The following MAPKAPK3 variants were observed in gnomAD, a reference collection of about 807,000 sequenced individuals.
MAPKAPK3 encodes MAP kinase-activated protein kinase 3.
MAPKAPK3 carries 35 observed loss-of-function variants against 49.2 expected under a neutral mutation model. The observed-to-expected ratio is 0.71, with a 90% CI of 0.54 to 0.94. The LOEUF (loss-of-function observed/expected upper bound fraction) is 0.94. Ranked by LOEUF, MAPKAPK3 falls within the 40% of genes least tolerant of loss-of-function variation. MAPKAPK3 has a pLI of 0.00. For missense variants in MAPKAPK3, 398 were observed against 493.1 expected (o/e 0.81, Z 1.83); for synonymous variants, 178 against 188.7 (o/e 0.94, Z 0.46).
In MAPKAPK3 at chr3:50,648,093, C is replaced by T. The variant is rs1430494894; in HGVS notation, c.*47C>T. 2 of 1,572,272 alleles carry T rather than the reference C, an allele frequency of 1.3e-6. No individual in the cohort carries two copies. Among genetic ancestry groups the T allele is most frequent in the African/African-American group, 2.7e-5 (2 of 73,262 alleles). Reference sequence around the variant, plus strand: ...CTGGCCTCTCAGCCTGCATAACAGACTGAAATGTGCTCAGGCCCTGGCCAG... The same window carrying T: ...CTGGCCTCTCAGCCTGCATAACAGATTGAAATGTGCTCAGGCCCTGGCCAG... On this transcript the variant is annotated 3_prime_UTR_variant, in exon 11 of 11. Transcript: ENST00000621469.
chr3:50,643,760 C>T (rs1207245685), intron 5 of MAPKAPK3, among the ~76,000 whole-genome samples: 1 of 152,112 alleles, frequency 6.6e-6, no homozygotes, highest in Non-Finnish European at 1.5e-5. Flanking sequence ...CCACCCCATC[C>T]TTCTACCAAC....
rs1039049631 is a variant in MAPKAPK3, at chr3:50,626,474, C to A, written c.219+8690C>A. 2.6e-5 allele frequency among the ~76,000 whole-genome samples: 4 copies of A among 152,174 alleles called. No homozygotes were observed. In the East Asian group the frequency reaches 7.7e-4, roughly 29 times the overall value. On this transcript the variant is annotated intron_variant, in intron 2 of 10. Coordinates refer to ENST00000621469, the MANE Select transcript of MAPKAPK3 (RefSeq NM_001243925.2). ...AGGCTACATTCAGGGGCCTGAGGGA[C>A]CAGGACCTTGAGCTGCCACACTCAT...
intron 2 of MAPKAPK3, 138 bp downstream of exon 2, chr3:50,617,922 C>A (rs1398842534): frequency 1.0e-5 from 7 of 674,534 alleles, no homozygotes; most frequent in African/African-American, 9.0e-5. Flanking sequence ...CCTGTAAGGT[C>A]AGGCTTGTGG....
chr3:50,617,381 G>C, intron 1 of MAPKAPK3, 133 bp from the exon 2 acceptor site: 1 of 552,070 alleles, frequency 1.8e-6, no homozygotes, highest in Non-Finnish European at 3.3e-6. Context: ...CTTGCTGCAC[G>C]TCTGTACTCT....
At chr3:50,646,909 GGCCCCAGT>G in intron 9 of MAPKAPK3, 84 bp downstream of exon 9, 1 of 1,393,726 alleles carries the variant, frequency 7.2e-7, no homozygotes, top group Non-Finnish European at 1.0e-6. Context: ...TCTGCTTTGA[GGCCCCAGT>G]GCAGGGCTGG....
In MAPKAPK3 at chr3:50,617,209, C is replaced by G. The variant is rs948126595; in HGVS notation, c.-85C>G. The G allele has an allele frequency of 6.5e-5, 12 of 184,662 alleles. No individual in the cohort carries two copies. The East Asian group carries it at 1.6e-3, about 24-fold the overall frequency. 11.4% of individuals were successfully genotyped at this position (184,662 alleles called of 1,614,324 possible). A position where few individuals can be genotyped will look rare whatever the true frequency, so the allele number is the denominator to read the frequency against. The stretch of plus-strand genomic sequence containing the variant: ...TCCCGCGACCGCCTCTCCTGCCCCT[C>G]GCCGGTACCTCAGCAAGGTGCGTTG... On this transcript the variant is annotated 5_prime_UTR_variant, in exon 1 of 11. Coordinates refer to ENST00000621469, the MANE Select transcript of MAPKAPK3 (RefSeq NM_001243925.2).
intron 2 of MAPKAPK3, among the ~76,000 whole-genome samples, chr3:50,632,227 C>A (rs564616958): frequency 6.6e-6 from 1 of 152,298 alleles, no homozygotes; most frequent in South Asian, 2.1e-4. Context: ...GAATTTCGTC[C>A]TAGAAAATGT....
chr3:50,649,092 G>C lies in MAPKAPK3; in HGVS notation c.*1046G>C, dbSNP rs1189825802. ...AGGGCAGAGAGGGCCTTTCCTGGCT[G>C]ATCAGAGCTTACCAGCCCCACCCCA... On this transcript the variant is annotated 3_prime_UTR_variant, in exon 11 of 11. Transcript: ENST00000621469. The C allele has an allele frequency of 6.6e-6, 1 of 152,268 alleles. No individual in the cohort carries two copies. The highest frequency in any genetic ancestry group is 1.9e-4 in the East Asian group (1 of 5,186). The allele number at this position is 152,268 out of a possible 1,614,324, so 9.4% of individuals were successfully genotyped here.
chr3:50,611,809 G>T, upstream of MAPKAPK3: 1 of 977,548 alleles, frequency 1.0e-6, no homozygotes, highest in Non-Finnish European at 1.4e-6. Context: ...GCGAGGGCGA[G>T]GGGGGCGGGC....
intron 2 of MAPKAPK3, among the ~76,000 whole-genome samples, chr3:50,639,279 C>T (rs2033115643): frequency 6.6e-6 from 1 of 152,146 alleles, no homozygotes; most frequent in South Asian, 2.1e-4. Context: ...AATTCAATCC[C>T]AAACCCACAT....
At position 50,647,895 on chromosome 3, in the gene MAPKAPK3, A is replaced by G; in HGVS notation, c.998A>G (p.Glu333Gly). Residue 333 changes from glutamate (E) to glycine (G), a missense_variant and splice_region_variant, in exon 11 of 11, where the codon GAG (glutamate) becomes GGG (glycine). Physicochemically the swap from Glu to Gly is moderately conservative, Grantham distance 98. Coordinates refer to ENST00000621469, the MANE Select transcript of MAPKAPK3 (RefSeq NM_001243925.2). ...GCCCACCATCCTGTCTGTCCCCAGG[A>G]GGAGATGACCAGTGCCTTGGCCACT... ...EDKDHWDEVK[E>G]EMTSALATMR... 1 of 1,612,286 alleles carries G rather than the reference A, an allele frequency of 6.2e-7. No homozygotes were observed. The highest frequency in any genetic ancestry group is 1.1e-5 in the South Asian group (1 of 90,880).
intron 2 of MAPKAPK3, 134 bp from the exon 3 acceptor site, chr3:50,640,232 C>G: frequency 1.1e-6 from 1 of 887,960 alleles, no homozygotes; most frequent in South Asian, 1.7e-5. Context: ...AACCTAGATT[C>G]AAATTCTCAT....
At chr3:50,641,991 T>C (rs1434477193) in intron 4 of MAPKAPK3, among the ~76,000 whole-genome samples, 1 of 152,196 alleles carries the variant, frequency 6.6e-6, no homozygotes, top group Non-Finnish European at 1.5e-5. Flanking sequence ...TCAAAGCCTC[T>C]TGATGCTGTC....
upstream of MAPKAPK3, chr3:50,612,197 C>G (rs986271739): frequency 6.5e-6 from 1 of 152,874 alleles, no homozygotes; most frequent in African/African-American, 2.4e-5. Flanking sequence ...CAGCAACCCG[C>G]GCCCAGATTG....
upstream of MAPKAPK3, among the ~76,000 whole-genome samples, chr3:50,615,787 T>C (rs562792889): frequency 6.6e-6 from 1 of 152,310 alleles, no homozygotes; most frequent in Non-Finnish European, 1.5e-5. Flanking sequence ...AGCTTGAAGG[T>C]TGCCTGAAAG....
intron 10 of MAPKAPK3, 94 bp downstream of exon 10, chr3:50,647,297 C>T: frequency 9.8e-7 from 1 of 1,015,876 alleles, no homozygotes; most frequent in Non-Finnish European, 1.5e-6. Flanking sequence ...GGGTCTTTGG[C>T]CCCTTTCTAT....
chr3:50,641,745 G>A lies in MAPKAPK3; in HGVS notation c.398G>A (p.Arg133His), dbSNP rs763883941. The A allele has an allele frequency of 8.7e-6, 14 of 1,614,148 alleles. No individual in the cohort carries two copies. The highest frequency in any genetic ancestry group is 7.7e-5 in the South Asian group (7 of 91,080). The change falls in exon 4 of 11, where the codon CGT (arginine) becomes CAT (histidine). Residue 133 changes from arginine to histidine, a missense_variant. By Grantham distance (29) the Arg-to-His change is conservative. Around this residue, in one of 5 missense-constraint regions of MAPKAPK3, gnomAD observed 52 missense variants for 91.9 expected, o/e 0.57. Coordinates refer to ENST00000621469, the MANE Select transcript of MAPKAPK3 (RefSeq NM_001243925.2). ...GAGTTGTTCAGCAGGATTCAGGAGC[G>A]TGGCGACCAGGCTTTCACTGAGAGA... ...GGELFSRIQE[R>H]GDQAFTEREA...
At chr3:50,636,897 C>T (rs2033052759) in intron 2 of MAPKAPK3, among the ~76,000 whole-genome samples, 1 of 152,158 alleles carries the variant, frequency 6.6e-6, no homozygotes, top group East Asian at 1.9e-4. Flanking sequence ...GTGATGTACT[C>T]TGCAGAGAGG....
intron 5 of MAPKAPK3, among the ~76,000 whole-genome samples, chr3:50,643,300 C>G (rs1163407487): frequency 6.6e-6 from 1 of 152,198 alleles, no homozygotes; most frequent in Non-Finnish European, 1.5e-5. Context: ...AGTCTTGAGG[C>G]TGGAAGCTCA....
Sources: gnomAD v4.1 joint callset for allele counts (sites outside exome capture counted in the v4.1 genomes callset) on GRCh38, gnomAD v4.1.1 for gene constraint, gnomAD v4.1.1 regional missense constraint, MANE v1.5 for transcripts, NCBI Gene and HGNC (gene_info 2026-07-23, HGNC 2026-07-21) for gene names.